The following SLC2A9 variants were observed in gnomAD, a reference collection of about 807,000 sequenced individuals.
SLC2A9 encodes the protein solute carrier family 2 member 9, also known as solute carrier family 2, facilitated glucose transporter member 9.
Under a neutral mutation model 50.6 loss-of-function variants are expected in SLC2A9, and 39 were observed. The observed-to-expected ratio is 0.77, with a 90% CI of 0.60 to 1.01. SLC2A9 has a LOEUF of 1.01. SLC2A9 is among the 50% of genes least tolerant of loss of function. The probability of loss-of-function intolerance (pLI) is 0.00; values close to 1 mark genes in which losing one functional copy is unlikely to be tolerated. For synonymous variants in SLC2A9, 324 were observed against 276.9 expected, an observed-to-expected ratio of 1.17 and a Z score of -1.69; for missense variants, 686 against 677.6, an observed-to-expected ratio of 1.01 and a Z score of -0.14.
chr4:9,966,553 G>A (rs533009714), intron 5 of SLC2A9, among the ~76,000 whole-genome samples: 36 of 152,230 alleles, frequency 2.4e-4, no homozygotes, highest in East Asian at 1.4e-3. Flanking sequence ...CTACTCGAGC[G>A]GCTGAGGCAG....
Position 9,950,892 on chromosome 4 carries a change from CAAAAAAAAAAAAAAA to C in SLC2A9, c.682-8862_682-8848del, listed in dbSNP as rs764863059. On this transcript the variant is annotated intron_variant, in intron 5 of 11. Coordinates refer to ENST00000264784, the MANE Select transcript of SLC2A9 (RefSeq NM_020041.3). ...TGGGCGACAGAGCGAGACTCCGTCTCAAAAAAAAAAAAAAAAAAAAAAAAAAAGAAAACAGTATGG... is the reference window on the plus strand; with the variant it reads ...TGGGCGACAGAGCGAGACTCCGTCTCAAAAAAAAAAAAGAAAACAGTATGG... Among the ~76,000 whole-genome samples, 3 of 11,546 alleles carry C rather than the reference CAAAAAAAAAAAAAAA, an allele frequency of 2.6e-4. 1 individual carries two copies. Among genetic ancestry groups the C allele is most frequent in the Non-Finnish European group, 4.5e-4 (3 of 6,638 alleles). 7.6% of individuals were successfully genotyped at this position (11,546 alleles called of 152,430 possible). A position where few individuals can be genotyped will look rare whatever the true frequency, so the allele number is the denominator to read the frequency against.
intron 10 of SLC2A9, among the ~76,000 whole-genome samples, chr4:9,878,447 C>T (rs964639884): frequency 1.3e-5 from 2 of 151,966 alleles, no homozygotes; most frequent in African/African-American, 2.4e-5. Context: ...TATAATGGAG[C>T]CTCCATAGAA....
chr4:9,989,004 C>T lies in SLC2A9; in HGVS notation c.411-3211G>A, dbSNP rs139908618. ...CATTAAACCCTAGTAGACCAGAGAA[C>T]CTATGGAAATAATGTATCTCTCCAC... On this transcript the variant is annotated intron_variant, in intron 3 of 11. Coordinates refer to ENST00000264784, the MANE Select transcript of SLC2A9 (RefSeq NM_020041.3). Among the ~76,000 whole-genome samples the T allele has an allele frequency of 1.6e-4, 25 of 152,336 alleles. No individual in the cohort carries two copies. In the East Asian group the frequency reaches 4.2e-3, roughly 26 times the overall value.
rs950882147 is a variant in SLC2A9 at position 10,018,883 on chromosome 4, A to G, written c.249+92T>C. The stretch of plus-strand genomic sequence containing the variant: ...CGCGGTGTCCCGCGCCGCGAGCGCA[A>G]CAGGAGGGGGCGCTGGAGCCCAGGG... On this transcript the variant is annotated intron_variant, in intron 2 of 11. Transcript: ENST00000264784. 9 of 1,292,850 alleles carry G rather than the reference A, an allele frequency of 7.0e-6. No individual in the cohort carries two copies. The African/African-American group carries it at 1.2e-4, about 17-fold the overall frequency. The allele number at this position is 1,292,850 out of a possible 1,614,324, so 80.1% of individuals were successfully genotyped here.
chr4:9,919,163 C>T (rs1395905450), intron 7 of SLC2A9, among the ~76,000 whole-genome samples: 1 of 152,134 alleles, frequency 6.6e-6, no homozygotes, highest in Non-Finnish European at 1.5e-5. Context: ...TCTCTGAGAA[C>T]AAGCAGCGCC....
downstream of SLC2A9, among the ~76,000 whole-genome samples, chr4:9,822,379 A>C (rs1724524425): frequency 6.6e-6 from 1 of 151,940 alleles, no homozygotes; most frequent in African/African-American, 2.4e-5. Flanking sequence ...CTTAAGGTGA[A>C]ATTTTATATT....
intron 10 of SLC2A9, among the ~76,000 whole-genome samples, chr4:9,838,691 A>G (rs909872136): frequency 6.6e-6 from 1 of 152,226 alleles, no homozygotes; most frequent in Non-Finnish European, 1.5e-5. Flanking sequence ...AGAACCCAGA[A>G]ATAAGACTGT....
intron 9 of SLC2A9, among the ~76,000 whole-genome samples, chr4:9,888,089 G>T (rs1736626329): frequency 6.9e-6 from 1 of 145,904 alleles, no homozygotes; most frequent in East Asian, 2.2e-4. Flanking sequence ...ACACAGGGAG[G>T]GGAACATCAC....
At chr4:9,898,797 C>T (rs1037890225) in intron 8 of SLC2A9, among the ~76,000 whole-genome samples, 9 of 152,240 alleles carry the variant, frequency 5.9e-5, no homozygotes, top group Non-Finnish European at 7.3e-5. Context: ...TCCCTCAGGA[C>T]GTCCTGTCTG....
chr4:9,796,955 A>C (rs938885537), downstream of SLC2A9, among the ~76,000 whole-genome samples: 58 of 152,142 alleles, frequency 3.8e-4, no homozygotes, highest in Non-Finnish European at 6.0e-4. Flanking sequence ...TGGGGTGGGG[A>C]AGTACACCAC....
At chr4:9,925,519 G>A (rs1714736384) in intron 6 of SLC2A9, among the ~76,000 whole-genome samples, 1 of 152,146 alleles carries the variant, frequency 6.6e-6, no homozygotes, top group Non-Finnish European at 1.5e-5. Flanking sequence ...AAAGACCCCA[G>A]ACTAGTTACC....
At chr4:10,013,335 C>T (rs531591699) in intron 2 of SLC2A9, among the ~76,000 whole-genome samples, 3 of 152,322 alleles carry the variant, frequency 2.0e-5, no homozygotes, top group East Asian at 3.9e-4. Flanking sequence ...TGTGGATGCA[C>T]GAGGTGCAGG....
chr4:9,774,152 C>G (rs558731240), intron 1 of SLC2A9, among the ~76,000 whole-genome samples: 4 of 152,164 alleles, frequency 2.6e-5, no homozygotes, highest in Admixed American at 6.5e-5. Flanking sequence ...TGCCACCTCA[C>G]CCAGCTAATT....
At chr4:10,030,490 A>G (rs1252829044) in intron 1 of SLC2A9, among the ~76,000 whole-genome samples, 1 of 152,152 alleles carries the variant, frequency 6.6e-6, no homozygotes, top group Non-Finnish European at 1.5e-5. Context: ...GGATGTGTCA[A>G]TATAGGTCCC....
chr4:9,943,732 C>T (rs1748606271), intron 5 of SLC2A9, among the ~76,000 whole-genome samples: 1 of 152,064 alleles, frequency 6.6e-6, no homozygotes, highest in Admixed American at 6.5e-5. Context: ...TTTCGCTAGG[C>T]CTGTGTGTGG....
At chr4:9,923,887 G>A (rs1052451075) in intron 6 of SLC2A9, 2 of 152,256 alleles carry the variant, frequency 1.3e-5, no homozygotes, top group African/African-American at 4.8e-5. Flanking sequence ...TGACCTTTCT[G>A]CACCTGGCTA....
intron 3 of SLC2A9, among the ~76,000 whole-genome samples, chr4:9,990,216 C>A (rs1284394070): frequency 6.6e-6 from 1 of 151,972 alleles, no homozygotes; most frequent in East Asian, 1.9e-4. Context: ...GATGAGGGAA[C>A]GGAAAGTGTG....
At chr4:9,899,262 G>A (rs1274299578) in intron 8 of SLC2A9, among the ~76,000 whole-genome samples, 1 of 152,208 alleles carries the variant, frequency 6.6e-6, no homozygotes, top group African/African-American at 2.4e-5. Flanking sequence ...TCAGAAGTTG[G>A]ATTATTGTCA....
intron 3 of SLC2A9, among the ~76,000 whole-genome samples, chr4:9,781,247 G>A (rs556567285): frequency 6.6e-6 from 1 of 152,302 alleles, no homozygotes; most frequent in African/African-American, 2.4e-5. Flanking sequence ...CCTTAAAGTC[G>A]CAGAGCCAGG....
Sources: allele counts gnomAD v4.1 joint callset (sites outside exome capture counted in the v4.1 genomes callset), GRCh38; gene constraint gnomAD v4.1.1; transcripts MANE v1.5; gene names NCBI Gene and HGNC (gene_info 2026-07-23, HGNC 2026-07-21).